The following PACRG variants were observed in gnomAD, a reference collection of about 807,000 sequenced individuals.
PACRG encodes the protein parkin coregulated gene protein.
PACRG carries 29 observed loss-of-function variants against 29.7 expected under a neutral mutation model. The observed-to-expected ratio is 0.98, with a 90% CI of 0.73 to 1.33. The LOEUF (loss-of-function observed/expected upper bound fraction) is 1.33, where lower values mean the gene tolerates loss of function less well. Among genes scored for constraint, PACRG ranks in the 40% most tolerant of loss-of-function variants. PACRG has a pLI of 0.00. For synonymous variants in PACRG, 116 were observed against 118.7 expected (o/e 0.98, Z 0.15); for missense variants, 279 against 316.2 (o/e 0.88, Z 0.89).
At chr6:162,727,762 ATCC>A, upstream of PACRG, 1 of 1,325,848 alleles carries the variant, frequency 7.5e-7, no homozygotes, top group Non-Finnish European at 1.1e-6. Context: ...CCTGGGTTAA[ATCC>A]TCCAGGCCTC....
chr6:162,961,911 C>G (rs1282385606), intron 2 of PACRG, among the ~76,000 whole-genome samples: 1 of 151,868 alleles, frequency 6.6e-6, no homozygotes, highest in African/African-American at 2.4e-5. Flanking sequence ...ACCTACCTCT[C>G]TGTCTTTGCT....
intron 2 of PACRG, among the ~76,000 whole-genome samples, chr6:162,960,328 T>A (rs1278743241): frequency 6.6e-6 from 1 of 152,206 alleles, no homozygotes; most frequent in African/African-American, 2.4e-5. Context: ...GCTGCACTAT[T>A]GACAATACCA....
chr6:162,966,477 A>AT (rs67914954), intron 2 of PACRG, among the ~76,000 whole-genome samples: 3,045 of 125,130 alleles, frequency 0.024, 145 homozygotes, highest in African/African-American at 0.079. Flanking sequence ...AATGACATGT[A>AT]TTTTTTTTTT....
At chr6:163,074,318 G>A (rs990019504) in intron 3 of PACRG, among the ~76,000 whole-genome samples, 2 of 152,240 alleles carry the variant, frequency 1.3e-5, no homozygotes, top group South Asian at 2.1e-4. Flanking sequence ...AATAAGCCAG[G>A]TGCAAAAAAG....
At chr6:163,084,877 A>G (rs959305380) in intron 3 of PACRG, among the ~76,000 whole-genome samples, 3 of 142,530 alleles carry the variant, frequency 2.1e-5, no homozygotes, top group African/African-American at 7.8e-5. Flanking sequence ...ATATTATATT[A>G]TATATATAAA....
At chr6:162,849,541 A>T (rs1246748630) in intron 2 of PACRG, among the ~76,000 whole-genome samples, 6 of 152,206 alleles carry the variant, frequency 3.9e-5, no homozygotes, top group Non-Finnish European at 7.3e-5. Context: ...GATATGGGTG[A>T]TCTGCTCAGG....
At chr6:163,008,001 C>G (rs2128207342) in intron 2 of PACRG, among the ~76,000 whole-genome samples, 2 of 152,270 alleles carry the variant, frequency 1.3e-5, no homozygotes, top group Middle Eastern at 6.8e-3. Flanking sequence ...AATTATCTGA[C>G]CCACCTGGGC....
At chr6:163,202,076 G>T (rs1291624643) in intron 4 of PACRG, among the ~76,000 whole-genome samples, 1 of 152,220 alleles carries the variant, frequency 6.6e-6, no homozygotes, top group Non-Finnish European at 1.5e-5. Context: ...ACCTGAGCAG[G>T]CCCGTTGGGG....
chr6:163,191,980 G>A (rs1585318664), intron 4 of PACRG: 1 of 299,782 alleles, frequency 3.3e-6, no homozygotes, highest in East Asian at 9.0e-5. Flanking sequence ...AAGCACCGGG[G>A]CAGTTGTTGT....
intron 2 of PACRG, among the ~76,000 whole-genome samples, chr6:162,888,128 G>A (rs1424367098): frequency 4.0e-5 from 6 of 151,526 alleles, no homozygotes; most frequent in African/African-American, 7.3e-5. Flanking sequence ...TGGGGTGTCC[G>A]TACTGGTGAG....
chr6:163,033,549 A>C (rs1374926686), intron 2 of PACRG, among the ~76,000 whole-genome samples: 1 of 152,248 alleles, frequency 6.6e-6, no homozygotes, highest in Non-Finnish European at 1.5e-5. Flanking sequence ...AACTAAATAA[A>C]AGGCATTACA....
At chr6:163,204,163 T>C (rs1029642297) in intron 4 of PACRG, among the ~76,000 whole-genome samples, 25 of 152,242 alleles carry the variant, frequency 1.6e-4, no homozygotes, top group Admixed American at 1.4e-3. Context: ...TTTATAGCCA[T>C]TCATGAACAC....
At chr6:162,770,250 A>C (rs1042805825) in intron 1 of PACRG, among the ~76,000 whole-genome samples, 1 of 152,178 alleles carries the variant, frequency 6.6e-6, no homozygotes, top group Admixed American at 6.6e-5. Context: ...TTCTATTTCA[A>C]TTGAAAATCT....
intron 4 of PACRG, among the ~76,000 whole-genome samples, chr6:163,111,356 T>C (rs1190899222): frequency 1.3e-5 from 2 of 152,242 alleles, no homozygotes; most frequent in African/African-American, 4.8e-5. Flanking sequence ...GTAGATGCTA[T>C]TGATAATTAG....
intron 2 of PACRG, among the ~76,000 whole-genome samples, chr6:163,002,098 C>T (rs1389035852): frequency 2.0e-5 from 3 of 152,184 alleles, no homozygotes; most frequent in African/African-American, 7.2e-5. Flanking sequence ...GCAAATTTTT[C>T]AGAACGACAG....
chr6:163,137,643 G>A (rs1816990189), intron 4 of PACRG, among the ~76,000 whole-genome samples: 1 of 152,096 alleles, frequency 6.6e-6, no homozygotes, highest in Non-Finnish European at 1.5e-5. Context: ...GTCTCCACCC[G>A]GCCGCACTCC....
intron 4 of PACRG, among the ~76,000 whole-genome samples, chr6:163,235,354 A>G (rs1017854620): frequency 2.6e-5 from 4 of 152,208 alleles, no homozygotes; most frequent in Non-Finnish European, 2.9e-5. Context: ...GGCTCCATTA[A>G]AATAATTTCT....
intron 4 of PACRG, among the ~76,000 whole-genome samples, chr6:163,230,132 T>C (rs898298232): frequency 5.3e-5 from 8 of 152,198 alleles, no homozygotes; most frequent in African/African-American, 1.9e-4. Context: ...TGTACGTCTA[T>C]ATATGTAACA....
intron 3 of PACRG, among the ~76,000 whole-genome samples, chr6:163,076,041 G>A (rs958297179): frequency 2.0e-5 from 3 of 152,248 alleles, no homozygotes; most frequent in Middle Eastern, 3.4e-3. Context: ...CATAGTCTAG[G>A]GCCCATCCAA....
Sources: allele counts gnomAD v4.1 joint callset (sites outside exome capture counted in the v4.1 genomes callset), GRCh38; gene constraint gnomAD v4.1.1; transcripts MANE v1.5; gene names NCBI Gene and HGNC (gene_info 2026-07-23, HGNC 2026-07-21).